PLIN5: variants seen among roughly 807,000 people sequenced by gnomAD.
PLIN5 encodes perilipin 5.
A neutral mutation model predicts 32.8 loss-of-function variants in PLIN5; 34 were observed. The ratio of observed to expected loss-of-function variants is 1.04; its 90% confidence interval spans 0.79 to 1.38. The LOEUF is 1.38. Among genes scored for constraint, PLIN5 ranks in the 40% most tolerant of loss-of-function variants. PLIN5 has a pLI of 0.00. For missense variants in PLIN5, 712 were observed against 660.5 expected, an observed-to-expected ratio of 1.08 and a Z score of -0.85; for synonymous variants, 309 against 292.9, an observed-to-expected ratio of 1.05 and a Z score of -0.56.
rs544077717 is a variant in PLIN5 at position 4,529,267 on chromosome 19, C to T, written c.340-14G>A. On this transcript the variant is annotated splice_polypyrimidine_tract_variant and intron_variant, in intron 4 of 7. Transcript: ENST00000381848. Reference sequence around the variant, plus strand: ...TGAGGTCACCACCTGGAAGGAAGGGCCCCCCCACTCCAGGCACCGTGGGAC... The same window carrying T: ...TGAGGTCACCACCTGGAAGGAAGGGTCCCCCCACTCCAGGCACCGTGGGAC... The T allele has an allele frequency of 1.9e-6, 3 of 1,581,980 alleles. No homozygotes were observed. The highest frequency in any genetic ancestry group is 2.6e-6 in the Non-Finnish European group (3 of 1,161,306).
At chr19:4,526,411 G>A (rs936819846) in intron 5 of PLIN5, among the ~76,000 whole-genome samples, 3 of 152,066 alleles carry the variant, frequency 2.0e-5, no homozygotes, top group African/African-American at 7.2e-5. Context: ...TAGTAGAGAC[G>A]GGGTTTCACC....
intron 5 of PLIN5, among the ~76,000 whole-genome samples, chr19:4,527,538 CAAAAAAA>C (rs1176219746): frequency 6.7e-5 from 2 of 29,684 alleles, no homozygotes; most frequent in African/African-American, 2.4e-4. Flanking sequence ...GACTCCACTT[CAAAAAAA>C]AAAAAAAAAA....
chr19:4,532,038 G>A (rs759038776), intron 2 of PLIN5, among the ~76,000 whole-genome samples: 1 of 152,240 alleles, frequency 6.6e-6, no homozygotes, highest in South Asian at 2.1e-4. Context: ...CGTACACAGA[G>A]CATTACAATT....
chr19:4,529,132 A>G lies in PLIN5; in HGVS notation c.461T>C (p.Val154Ala). The G allele has an allele frequency of 6.2e-7, 1 of 1,613,448 alleles. No individual in the cohort carries two copies. The change falls in exon 5 of 8, where the codon GTA becomes GCA. Residue 154 changes from valine (V) to alanine (A), a missense_variant. By Grantham distance (64) the Val-to-Ala change is moderately conservative. Coordinates refer to ENST00000381848, the MANE Select transcript of PLIN5 (RefSeq NM_001013706.3). ...CACCAGCTCCTCTGATTTTTCCAGT[A>G]CAACATCCACAGCATGGCTCACGGA... ...KRSVSHAVDV[V>A]LEKSEELVDH...
At chr19:4,533,376 T>C (rs1377106331) in intron 2 of PLIN5, 2 of 152,586 alleles carry the variant, frequency 1.3e-5, no homozygotes, top group Non-Finnish European at 2.9e-5. Context: ...ATTACAGGCG[T>C]CTGAGCCACC....
intron 4 of PLIN5, 134 bp downstream of exon 4, chr19:4,529,650 C>CACACAT (rs1976858507): frequency 4.6e-6 from 3 of 647,652 alleles, no homozygotes; most frequent in Admixed American, 2.3e-5. Flanking sequence ...CACACACACA[C>CACACAT]GTTGCAGTTA....
At chr19:4,533,657 G>A (rs1296934408) in intron 2 of PLIN5, 1 of 455,162 alleles carries the variant, frequency 2.2e-6, no homozygotes, top group African/African-American at 2.0e-5. Context: ...GAAACGGTTG[G>A]AACTGTGACT....
chr19:4,523,337 C>T lies in PLIN5; in HGVS notation c.*191G>A, dbSNP rs1976754158. The T allele has an allele frequency of 1.7e-6, 1 of 597,162 alleles. No individual in the cohort carries two copies. The highest frequency in any genetic ancestry group is 4.0e-5 in the Admixed American group (1 of 25,148). The allele number at this position is 597,162 out of a possible 1,614,324, so 37.0% of individuals were successfully genotyped here. On this transcript the variant is annotated 3_prime_UTR_variant, in exon 8 of 8. Transcript: ENST00000381848. This position sits in a 1 kb window ranked among gnomAD's most constrained non-coding sequence, Gnocchi z 5.0. ...GGGTTCGAGGCCCTGCTCCCCCGGGCCTCTTTGTCCATGTGTTCAAGGAAA... is the reference window on the plus strand; with the variant it reads ...GGGTTCGAGGCCCTGCTCCCCCGGGTCTCTTTGTCCATGTGTTCAAGGAAA...
chr19:4,523,468 G>A lies in PLIN5; in HGVS notation c.*60C>T. On this transcript the variant is annotated 3_prime_UTR_variant, in exon 8 of 8. Coordinates refer to ENST00000381848, the MANE Select transcript of PLIN5 (RefSeq NM_001013706.3). This position sits in a 1 kb window ranked among gnomAD's most constrained non-coding sequence, Gnocchi z 5.0. ...CTCGAGCTTACGTGTGGCCACCAGGGGGCAGCAGGGATCGGGGTGTGCAGG... is the reference window on the plus strand; with the variant it reads ...CTCGAGCTTACGTGTGGCCACCAGGAGGCAGCAGGGATCGGGGTGTGCAGG... 1 of 1,494,134 alleles carries A rather than the reference G, an allele frequency of 6.7e-7. No homozygotes were observed. The highest frequency in any genetic ancestry group is 8.9e-7 in the Non-Finnish European group (1 of 1,117,486). 92.6% of individuals were successfully genotyped at this position (1,494,134 alleles called of 1,614,324 possible).
intron 3 of PLIN5, among the ~76,000 whole-genome samples, chr19:4,530,668 G>T (rs1976872457): frequency 6.6e-6 from 1 of 152,044 alleles, no homozygotes; most frequent in African/African-American, 2.4e-5. Flanking sequence ...AGGGCCAGGG[G>T]ATCAGATTTA....
intron 7 of PLIN5, among the ~76,000 whole-genome samples, chr19:4,524,390 A>C (rs569219465): frequency 6.6e-6 from 1 of 152,248 alleles, no homozygotes; most frequent in South Asian, 2.1e-4. Context: ...CGTATCTACC[A>C]AAAATACAAA....
At chr19:4,532,309 A>G (rs11668787) in intron 2 of PLIN5, 9,665 of 153,248 alleles carry the variant, frequency 0.063, 343 homozygotes, top group Middle Eastern at 0.096. Flanking sequence ...CTCCTGCCTC[A>G]GCCTCCCGAG....
At position 4,533,098 on chromosome 19, in the gene PLIN5, CT is replaced by C. The variant is rs547925654; in HGVS notation, c.60+916del. ...TCCAGGCAGGCACCACCCCACCTGG[CT>C]TTTTTTTTTTTTTGAGATGGAGTCT... is the stretch of plus-strand genomic sequence containing the variant. On this transcript the variant is annotated intron_variant, in intron 2 of 7. Transcript: ENST00000381848. 6.5e-3 allele frequency: 921 copies of C among 141,220 alleles called. 4 individuals are homozygous for C. Among genetic ancestry groups the C allele is most frequent in the African/African-American group, 0.018 (700 of 38,560 alleles). The allele number at this position is 141,220 out of a possible 1,614,324, so 8.7% of individuals were successfully genotyped here.
At position 4,525,894 on chromosome 19, in the gene PLIN5, TACGGGGACAGC is replaced by T. The variant is rs878894320; in HGVS notation, c.521-73_521-63del. On this transcript the variant is annotated intron_variant, in intron 5 of 7. Transcript: ENST00000381848. This position sits in a 1 kb window ranked among gnomAD's most constrained non-coding sequence, Gnocchi z 5.6. ...ATACGGGGACAGCACGGGGACAGGA[TACGGGGACAGC>T]ACGGGGACAGGATACGGGGACAGCA... 216 of 525,968 alleles carry T rather than the reference TACGGGGACAGC, an allele frequency of 4.1e-4. 2 individuals are homozygous for T. The highest frequency in any genetic ancestry group is 2.4e-3 in the South Asian group (114 of 47,246). The allele number at this position is 525,968 out of a possible 1,614,324, so 32.6% of individuals were successfully genotyped here. A position where few individuals can be genotyped will look rare whatever the true frequency, so the allele number is the denominator to read the frequency against.
At chr19:4,530,035 C>T (rs1231658756) in intron 3 of PLIN5, among the ~76,000 whole-genome samples, 169 bp from the exon 4 acceptor site, 2 of 152,204 alleles carry the variant, frequency 1.3e-5, no homozygotes, top group African/African-American at 4.8e-5. Flanking sequence ...ACGAGACCCA[C>T]ACCAGGAGAT....
chr19:4,525,182 A>G lies in PLIN5; in HGVS notation c.721-106T>C. The G allele has an allele frequency of 1.4e-6, 1 of 705,254 alleles. No homozygotes were observed. Among genetic ancestry groups the G allele is most frequent in the Non-Finnish European group, 2.2e-6 (1 of 448,128 alleles). The allele number at this position is 705,254 out of a possible 1,614,324, so 43.7% of individuals were successfully genotyped here. ...TCTGGCCTCAGTAAGCATTTAGGAG[A>G]CCGAGGCAGGTTGTGCAGGGCCGTG... On this transcript the variant is annotated intron_variant, in intron 6 of 7. Transcript: ENST00000381848. The surrounding 1 kb of genome is among the most constrained non-coding windows in gnomAD (Gnocchi z 5.6).
chr19:4,531,508 G>A, intron 3 of PLIN5, 119 bp downstream of exon 3: 1 of 1,038,258 alleles, frequency 9.6e-7, no homozygotes, highest in Non-Finnish European at 1.3e-6. Flanking sequence ...AGTGGGACAG[G>A]TGGCTAGGCT....
rs1445031449 is a variant in PLIN5, at chr19:4,523,464, C to G, written c.*64G>C. 6.7e-7 allele frequency: 1 copy of G among 1,486,348 alleles called. No individual in the cohort carries two copies. The allele number at this position is 1,486,348 out of a possible 1,614,324, so 92.1% of individuals were successfully genotyped here. ...AGGCCTCGAGCTTACGTGTGGCCAC[C>G]AGGGGGCAGCAGGGATCGGGGTGTG... On this transcript the variant is annotated 3_prime_UTR_variant, in exon 8 of 8. Transcript: ENST00000381848. This position sits in a 1 kb window ranked among gnomAD's most constrained non-coding sequence, Gnocchi z 5.0.
chr19:4,529,046 G>C (rs1479809945), intron 5 of PLIN5, 27 bp downstream of exon 5: 2 of 1,605,794 alleles, frequency 1.2e-6, no homozygotes, highest in African/African-American at 2.7e-5. Context: ...AGGACTCAGG[G>C]GTTAGGGTTG....
Sources: allele counts gnomAD v4.1 joint callset (sites outside exome capture counted in the v4.1 genomes callset), GRCh38; gene constraint gnomAD v4.1.1; non-coding constraint Gnocchi (gnomAD v3.1); transcripts MANE v1.5; gene names NCBI Gene and HGNC (gene_info 2026-07-23, HGNC 2026-07-21).